Variants in JAZF1 observed in about 807,000 individuals in gnomAD.
JAZF1 encodes juxtaposed with another zinc finger protein 1.
JAZF1 carries 8 observed loss-of-function variants against 26.4 expected under a neutral mutation model. The ratio of observed to expected loss-of-function variants is 0.30; its 90% confidence interval spans 0.18 to 0.55. The LOEUF is 0.55. JAZF1 is among the 20% of genes least tolerant of loss of function. The probability of loss-of-function intolerance (pLI) is 0.94; values close to 1 mark genes in which losing one functional copy is unlikely to be tolerated. For missense variants in JAZF1, 199 were observed against 322.0 expected (o/e 0.62, Z 2.92); for synonymous variants, 126 against 122.3 (o/e 1.03, Z -0.20).
chr7:28,080,995 G>T (rs11979376), intron 1 of JAZF1, among the ~76,000 whole-genome samples: 2 of 151,978 alleles, frequency 1.3e-5, no homozygotes, highest in African/African-American at 2.4e-5. Flanking sequence ...GTGCCTGTAG[G>T]GGGGAAGGGA....
intron 3 of JAZF1, among the ~76,000 whole-genome samples, chr7:27,884,137 G>A (rs573864462): frequency 4.6e-5 from 7 of 152,270 alleles, no homozygotes; most frequent in Admixed American, 4.6e-4. Context: ...ACACTGAAAT[G>A]CACAAATCTT....
At chr7:27,897,654 C>T (rs953613954) in intron 2 of JAZF1, among the ~76,000 whole-genome samples, 1 of 152,314 alleles carries the variant, frequency 6.6e-6, no homozygotes. Flanking sequence ...ACTTCCCGAG[C>T]GTGGTGATCT....
intron 1 of JAZF1, among the ~76,000 whole-genome samples, chr7:28,006,109 C>T (rs920889454): frequency 1.3e-5 from 2 of 152,210 alleles, no homozygotes; most frequent in South Asian, 2.1e-4. Flanking sequence ...AAATCTTACC[C>T]ACTAGGGGCC....
At chr7:27,963,305 A>G (rs1309653755) in intron 2 of JAZF1, among the ~76,000 whole-genome samples, 2 of 152,218 alleles carry the variant, frequency 1.3e-5, no homozygotes, top group African/African-American at 4.8e-5. Flanking sequence ...TAAATTGGAA[A>G]CAATGTAGCT....
chr7:28,166,552 G>GT (rs1417870204), intron 1 of JAZF1, among the ~76,000 whole-genome samples: 1 of 152,056 alleles, frequency 6.6e-6, no homozygotes, highest in Non-Finnish European at 1.5e-5. Context: ...ATCATCTCTT[G>GT]TTTTTTCCAT....
chr7:28,023,905 C>T (rs17156222), intron 1 of JAZF1, among the ~76,000 whole-genome samples: 8,899 of 152,140 alleles, frequency 0.058, 877 homozygotes, highest in African/African-American at 0.2. Flanking sequence ...CTATATTAAC[C>T]TACACTTGGA....
At chr7:27,986,945 G>A (rs1255142294) in intron 2 of JAZF1, among the ~76,000 whole-genome samples, 3 of 152,224 alleles carry the variant, frequency 2.0e-5, no homozygotes, top group African/African-American at 4.8e-5. Context: ...ACGGAGTCTC[G>A]ATCACTCAGT....
At chr7:27,917,324 C>T (rs1042012192) in intron 2 of JAZF1, among the ~76,000 whole-genome samples, 1 of 152,142 alleles carries the variant, frequency 6.6e-6, no homozygotes, top group Non-Finnish European at 1.5e-5. Flanking sequence ...CCTCTCCTCA[C>T]TCTCAACTCT....
intron 1 of JAZF1, among the ~76,000 whole-genome samples, chr7:28,034,934 T>A (rs73683942): frequency 0.017 from 2,529 of 152,020 alleles, 60 homozygotes; most frequent in African/African-American, 0.055. Flanking sequence ...TGAAATACCA[T>A]CACAGCCAGC....
Position 27,840,720 on chromosome 7 carries a change from G to C in JAZF1, c.533C>G (p.Pro178Arg). 6.2e-7 allele frequency: 1 copy of C among 1,614,146 alleles called. No homozygotes were observed. ...TACCTTGTATCTCTTTTTACATCCA[G>C]GAACTGGGCAGGCAAAAGGCTTCTC... The part of the protein sequence containing the change: ...GEEKPFACPV[P>R]GCKKRYKNVN... Residue 178 changes from proline to arginine, a missense_variant, in exon 4 of 5, where the codon CCT (proline) becomes CGT (arginine). Around this residue, in one of 2 missense-constraint regions of JAZF1, gnomAD observed 62 missense variants for 137.2 expected, o/e 0.45. Transcript: ENST00000283928. The surrounding 1 kb of genome is among the most constrained non-coding windows in gnomAD (Gnocchi z 5.1).
intron 3 of JAZF1, among the ~76,000 whole-genome samples, chr7:27,849,746 C>CAG (rs1783104413): frequency 7.4e-6 from 1 of 135,506 alleles, no homozygotes; most frequent in Non-Finnish European, 1.6e-5. Context: ...GGAACCCTTA[C>CAG]ACACAGACAC....
At chr7:27,923,651 TGCAGCCCCCCA>T (rs1035947384) in intron 2 of JAZF1, among the ~76,000 whole-genome samples, 65 of 152,306 alleles carry the variant, frequency 4.3e-4, no homozygotes, top group African/African-American at 1.5e-3. Flanking sequence ...CCATTCCCCC[TGCAGCCCCCCA>T]GCCCTGTCCC....
chr7:28,112,671 G>C (rs1784680994), intron 1 of JAZF1, among the ~76,000 whole-genome samples: 1 of 152,164 alleles, frequency 6.6e-6, no homozygotes, highest in Admixed American at 6.5e-5. Context: ...GGCATACAAA[G>C]TACTGTGTTC....
At chr7:28,054,515 CCCTAGACCCAGTGAAG>C (rs1374762122) in intron 1 of JAZF1, among the ~76,000 whole-genome samples, 1 of 152,024 alleles carries the variant, frequency 6.6e-6, no homozygotes, top group Non-Finnish European at 1.5e-5. Flanking sequence ...CTAGTCATGC[CCCTAGACCCAGTGAAG>C]CCTCCCCTTG....
At chr7:27,939,794 T>C (rs1784815650) in intron 2 of JAZF1, among the ~76,000 whole-genome samples, 1 of 152,198 alleles carries the variant, frequency 6.6e-6, no homozygotes, top group African/African-American at 2.4e-5. Context: ...GTCTCTCCAC[T>C]TCATGAGAAA....
chr7:27,898,536 C>A (rs1784111102), intron 2 of JAZF1, among the ~76,000 whole-genome samples: 1 of 151,954 alleles, frequency 6.6e-6, no homozygotes, highest in Non-Finnish European at 1.5e-5. Flanking sequence ...AACTACTGAC[C>A]TCAAGTGCTG....
At chr7:28,149,673 ATC>A (rs1783078130) in intron 1 of JAZF1, among the ~76,000 whole-genome samples, 1 of 152,226 alleles carries the variant, frequency 6.6e-6, no homozygotes, top group South Asian at 2.1e-4. Flanking sequence ...GCACACATTG[ATC>A]TTCAATTTGA....
chr7:27,947,909 T>C (rs1784943563), intron 2 of JAZF1, among the ~76,000 whole-genome samples: 1 of 152,196 alleles, frequency 6.6e-6, no homozygotes, highest in African/African-American at 2.4e-5. Flanking sequence ...AAGCCGTCTC[T>C]ACCTCCAGCA....
In JAZF1 at chr7:27,851,131, C is replaced by T. The variant is rs28498780; in HGVS notation, c.386-10264G>A. Among the ~76,000 whole-genome samples the T allele has an allele frequency of 7.4e-3, 1,126 of 152,208 alleles. 7 individuals carry two copies. Among genetic ancestry groups the T allele is most frequent in the Non-Finnish European group, 0.012 (822 of 68,002 alleles). ...CTAGTTTTTGTATTTTTAGTAGAGA[C>T]AGGGTTTCACCATGTTGGTCAGGCT... On this transcript the variant is annotated intron_variant, in intron 3 of 4. Transcript: ENST00000283928.
Sources: gnomAD v4.1 joint callset for allele counts (sites outside exome capture counted in the v4.1 genomes callset) on GRCh38, gnomAD v4.1.1 for gene constraint, gnomAD v4.1.1 regional missense constraint, Gnocchi (gnomAD v3.1) non-coding constraint, MANE v1.5 for transcripts, NCBI Gene and HGNC (gene_info 2026-07-23, HGNC 2026-07-21) for gene names.